RMDN2: variants seen among roughly 807,000 people sequenced by gnomAD.
RMDN2 encodes the protein regulator of microtubule dynamics protein 2.
Under a neutral mutation model 52.8 loss-of-function variants are expected in RMDN2, and 61 were observed. The observed-to-expected ratio is 1.16, with a 90% CI of 0.94 to 1.43. The LOEUF (loss-of-function observed/expected upper bound fraction) is 1.43. Ranked by LOEUF, RMDN2 falls within the 40% of genes most tolerant of loss-of-function variation. RMDN2 has a pLI of 0.00. For missense variants in RMDN2, 592 were observed against 475.3 expected, an observed-to-expected ratio of 1.25 and a Z score of -2.28; for synonymous variants, 180 against 153.1, an observed-to-expected ratio of 1.18 and a Z score of -1.30.
At chr2:38,035,854 A>G (rs1448826410) in intron 10 of RMDN2, 1 of 152,168 alleles carries the variant, frequency 6.6e-6, no homozygotes, top group Non-Finnish European at 1.5e-5. Flanking sequence ...TCCCAATGTT[A>G]CATTCCAAGC....
At chr2:37,977,729 C>T (rs1264542723) in intron 4 of RMDN2, among the ~76,000 whole-genome samples, 3 of 151,118 alleles carry the variant, frequency 2.0e-5, no homozygotes, top group African/African-American at 4.9e-5. Flanking sequence ...GATGGGGCGG[C>T]GGGGCAGAGG....
chr2:38,047,052 A>T (rs1167018752), intron 10 of RMDN2, among the ~76,000 whole-genome samples: 8 of 152,206 alleles, frequency 5.3e-5, no homozygotes, highest in African/African-American at 1.9e-4. Flanking sequence ...TATGAAAGGA[A>T]ACAACTGTCA....
intron 2 of RMDN2, among the ~76,000 whole-genome samples, chr2:37,942,774 G>A (rs920568800): frequency 1.3e-5 from 2 of 152,188 alleles, no homozygotes; most frequent in African/African-American, 2.4e-5. Context: ...TATTCATTCA[G>A]TGTGAGTGTC....
chr2:37,924,810 G>A (rs1329300009), upstream of RMDN2, among the ~76,000 whole-genome samples: 1 of 152,244 alleles, frequency 6.6e-6, no homozygotes, highest in Non-Finnish European at 1.5e-5. Flanking sequence ...GGAAGAGGCT[G>A]TCAAAATTGC....
chr2:37,975,173 C>A (rs773530770), intron 3 of RMDN2, 39 bp from the exon 4 acceptor site: 2 of 1,200,972 alleles, frequency 1.7e-6, no homozygotes, highest in Admixed American at 1.7e-5. Flanking sequence ...GACAAGTTAC[C>A]AAGTTAATTT....
chr2:37,938,789 TTCTTCTTTATTAA>T, intron 2 of RMDN2, among the ~76,000 whole-genome samples: 1 of 152,322 alleles, frequency 6.6e-6, no homozygotes, highest in Non-Finnish European at 1.5e-5. Context: ...CTTCTCTCCT[TTCTTCTTTATTAA>T]TCTGGCTAGC....
At chr2:37,971,348 A>G (rs1267078720) in intron 2 of RMDN2, among the ~76,000 whole-genome samples, 1 of 152,112 alleles carries the variant, frequency 6.6e-6, no homozygotes, top group Non-Finnish European at 1.5e-5. Context: ...TTCCTCCGCT[A>G]AACTGTCTTG....
In RMDN2 at chr2:37,929,468, C is replaced by A; in HGVS notation, c.191C>A (p.Thr64Lys). The part of the protein sequence containing the change: ...LQDEIHDDQG[T>K]TVIFQERQLQ... ...GATGAAATACATGATGACCAAGGAA[C>A]AACAGTAATCTTTCAAGAAAGGCAA... The change falls in exon 2 of 11, where the codon ACA becomes AAA. Residue 64 changes from threonine to lysine, a missense_variant. Physicochemically the swap from Thr to Lys is moderately conservative, Grantham distance 78 (BLOSUM62 -1). Transcript: ENST00000354545. 6.4e-7 allele frequency: 1 copy of A among 1,551,492 alleles called. No individual in the cohort carries two copies.
intron 1 of RMDN2, among the ~76,000 whole-genome samples, chr2:37,928,008 G>A (rs62134013): frequency 0.021 from 3,197 of 152,260 alleles, 47 homozygotes; most frequent in Non-Finnish European, 0.034. Context: ...GTGAGGTAAA[G>A]CAGGCCAGAT....
chr2:37,929,490 G>A lies in RMDN2; in HGVS notation c.213G>A (p.Arg71=), dbSNP rs1401118170. 3 of 1,551,208 alleles carry A rather than the reference G, an allele frequency of 1.9e-6. No homozygotes were observed. The highest frequency in any genetic ancestry group is 2.0e-5 in the Admixed American group (1 of 50,990). Reference sequence around the variant, plus strand: ...GAACAACAGTAATCTTTCAAGAAAGGCAACTTCAGATACTGGAGAAGTTAA... The same window carrying A: ...GAACAACAGTAATCTTTCAAGAAAGACAACTTCAGATACTGGAGAAGTTAA... ...DQGTTVIFQE[R]QLQILEKLNE... Residue 71 remains arginine, a synonymous_variant, in exon 2 of 11, where the codon AGG becomes AGA. Coordinates refer to ENST00000354545, the MANE Select transcript of RMDN2 (RefSeq NM_001170791.3).
At chr2:37,989,354 T>C (rs528762304) in intron 5 of RMDN2, among the ~76,000 whole-genome samples, 187 bp from the exon 6 acceptor site, 5 of 152,306 alleles carry the variant, frequency 3.3e-5, no homozygotes, top group South Asian at 4.1e-4. Context: ...TCCCCAGTTA[T>C]AGATGAGAAA....
chr2:38,011,114 A>AG (rs1365951407), intron 10 of RMDN2, among the ~76,000 whole-genome samples: 2 of 152,218 alleles, frequency 1.3e-5, no homozygotes, highest in Non-Finnish European at 1.5e-5. Context: ...CAGGTGGCCC[A>AG]GCCTAGAGTA....
At chr2:37,973,196 C>G (rs777152911) in intron 2 of RMDN2, among the ~76,000 whole-genome samples, 1 of 152,126 alleles carries the variant, frequency 6.6e-6, no homozygotes, top group Non-Finnish European at 1.5e-5. Context: ...CTCCTTAAAA[C>G]CTTTTTAGAA....
intron 10 of RMDN2, among the ~76,000 whole-genome samples, chr2:38,014,606 A>G (rs989303069): frequency 6.6e-6 from 1 of 152,236 alleles, no homozygotes. Flanking sequence ...TTTAATGTAA[A>G]TAAGTCTCTC....
At chr2:37,924,891 C>G (rs1245937827), upstream of RMDN2, among the ~76,000 whole-genome samples, 3 of 152,220 alleles carry the variant, frequency 2.0e-5, no homozygotes, top group Non-Finnish European at 4.4e-5. Context: ...TGCAAGGCGT[C>G]TGCCTTTAAT....
At chr2:37,924,628 A>C (rs557414237), upstream of RMDN2, among the ~76,000 whole-genome samples, 2 of 152,278 alleles carry the variant, frequency 1.3e-5, no homozygotes, top group South Asian at 4.1e-4. Context: ...CAGCCTCCCA[A>C]AGTGCTGGGA....
At chr2:38,005,682 G>A (rs564643420) in intron 10 of RMDN2, among the ~76,000 whole-genome samples, 1 of 152,264 alleles carries the variant, frequency 6.6e-6, no homozygotes, top group South Asian at 2.1e-4. Context: ...AGGTTCTTTT[G>A]CTGTGCAGAA....
chr2:37,952,811 C>T (rs1053025264), intron 2 of RMDN2: 1 of 151,948 alleles, frequency 6.6e-6, no homozygotes, highest in Non-Finnish European at 1.5e-5. Flanking sequence ...AATTTTAATA[C>T]ACATTCATGT....
intron 2 of RMDN2, among the ~76,000 whole-genome samples, chr2:37,953,967 C>T (rs529030449): frequency 4.6e-5 from 7 of 152,076 alleles, no homozygotes; most frequent in East Asian, 3.9e-4. Flanking sequence ...AACATCTTTT[C>T]GTGTGACTGC....
Sources: allele counts gnomAD v4.1 joint callset (sites outside exome capture counted in the v4.1 genomes callset), GRCh38; gene constraint gnomAD v4.1.1; transcripts MANE v1.5; gene names NCBI Gene and HGNC (gene_info 2026-07-23, HGNC 2026-07-21).